Variants in RGS7BP observed in about 807,000 individuals in gnomAD.
The protein encoded by RGS7BP is regulator of G protein signaling 7-binding protein.
Under a neutral mutation model 31.3 loss-of-function variants are expected in RGS7BP, and 9 were observed. That is an observed-to-expected ratio of 0.29 (90% CI 0.17 to 0.50). The LOEUF (loss-of-function observed/expected upper bound fraction) is 0.50. Among genes scored for constraint, RGS7BP ranks in the 20% least tolerant of loss-of-function variants. The probability of loss-of-function intolerance (pLI) is 0.98; values close to 1 mark genes in which losing one functional copy is unlikely to be tolerated. For synonymous variants in RGS7BP, 115 were observed against 120.1 expected, an observed-to-expected ratio of 0.96 and a Z score of 0.28; for missense variants, 274 against 322.0, an observed-to-expected ratio of 0.85 and a Z score of 1.14.
intron 2 of RGS7BP, among the ~76,000 whole-genome samples, chr5:64,536,616 C>T (rs1389023322): frequency 6.6e-6 from 1 of 152,176 alleles, no homozygotes; most frequent in African/African-American, 2.4e-5. Flanking sequence ...TAAAGGTATT[C>T]TTTTAACTGA....
At chr5:64,601,461 GA>G (rs1743215582) in intron 5 of RGS7BP, 1 of 983,164 alleles carries the variant, frequency 1.0e-6, no homozygotes, top group African/African-American at 1.7e-5. Context: ...GAGAAGAAAG[GA>G]AGGTGGCCAA....
At chr5:64,533,020 A>G (rs1041718449) in intron 2 of RGS7BP, among the ~76,000 whole-genome samples, 4 of 152,154 alleles carry the variant, frequency 2.6e-5, no homozygotes, top group African/African-American at 9.7e-5. Context: ...CATTGCTCAC[A>G]CCAGGCTGTT....
At chr5:64,541,297 G>A (rs1327083944) in intron 2 of RGS7BP, among the ~76,000 whole-genome samples, 1 of 152,142 alleles carries the variant, frequency 6.6e-6, no homozygotes, top group Non-Finnish European at 1.5e-5. Context: ...TTACCAAGGG[G>A]ATGGTGCTAA....
At chr5:64,540,697 A>C (rs763244564) in intron 2 of RGS7BP, among the ~76,000 whole-genome samples, 22 of 152,230 alleles carry the variant, frequency 1.4e-4, no homozygotes, top group Non-Finnish European at 2.8e-4. Context: ...TTAGAAATGC[A>C]AGATTATTAT....
At chr5:64,566,344 AGAAC>A (rs1167259042) in intron 2 of RGS7BP, among the ~76,000 whole-genome samples, 1 of 152,164 alleles carries the variant, frequency 6.6e-6, no homozygotes, top group Non-Finnish European at 1.5e-5. Flanking sequence ...CAAAAGAAAA[AGAAC>A]ATCTTGTAAG....
chr5:64,509,130 G>A (rs1347230137), intron 2 of RGS7BP, among the ~76,000 whole-genome samples: 1 of 152,138 alleles, frequency 6.6e-6, no homozygotes, highest in Non-Finnish European at 1.5e-5. Flanking sequence ...GGGAAATGGA[G>A]GGGAATTAAG....
chr5:64,556,900 G>T (rs1741942428), intron 2 of RGS7BP, among the ~76,000 whole-genome samples: 2 of 151,878 alleles, frequency 1.3e-5, no homozygotes, highest in South Asian at 4.1e-4. Context: ...TTTGAGATTT[G>T]TATCTTTAAT....
At chr5:64,542,000 T>C (rs1741538139) in intron 2 of RGS7BP, among the ~76,000 whole-genome samples, 1 of 152,226 alleles carries the variant, frequency 6.6e-6, no homozygotes, top group South Asian at 2.1e-4. Flanking sequence ...GTATATAATC[T>C]GAGGTACGAA....
intron 2 of RGS7BP, among the ~76,000 whole-genome samples, chr5:64,574,036 T>G (rs1013156226): frequency 6.6e-6 from 1 of 152,166 alleles, no homozygotes; most frequent in Non-Finnish European, 1.5e-5. Flanking sequence ...TGAACCAGCA[T>G]AGAAAAGACC....
chr5:64,609,386 T>TC lies in RGS7BP; in HGVS notation c.*139dup. The TC allele has an allele frequency of 1.6e-6, 1 of 609,782 alleles. No individual in the cohort carries two copies. The highest frequency in any genetic ancestry group is 3.0e-6 in the Non-Finnish European group (1 of 334,876). The allele number at this position is 609,782 out of a possible 1,614,324, so 37.8% of individuals were successfully genotyped here. A position where few individuals can be genotyped will look rare whatever the true frequency, so the allele number is the denominator to read the frequency against. On this transcript the variant is annotated 3_prime_UTR_variant, in exon 6 of 6. Coordinates refer to ENST00000334025, the MANE Select transcript of RGS7BP (RefSeq NM_001029875.3). ...TGCTTCCTTATTACTTTTATCTGCC[T>TC]CCCCCTGCCCTTTTAAATGATTTTA...
chr5:64,604,817 A>G (rs1471638772), intron 5 of RGS7BP, among the ~76,000 whole-genome samples: 1 of 152,048 alleles, frequency 6.6e-6, no homozygotes, highest in Non-Finnish European at 1.5e-5. Context: ...AATAAATTTG[A>G]GCAATAGAGA....
chr5:64,605,501 A>G (rs1743329160), intron 5 of RGS7BP, among the ~76,000 whole-genome samples: 1 of 152,138 alleles, frequency 6.6e-6, no homozygotes, highest in South Asian at 2.1e-4. Context: ...ATTTCAATCA[A>G]TGTGGAGAGA....
At chr5:64,596,271 T>C (rs1447321872) in intron 4 of RGS7BP, among the ~76,000 whole-genome samples, 6 of 152,150 alleles carry the variant, frequency 3.9e-5, no homozygotes, top group Non-Finnish European at 8.8e-5. Context: ...GTGGGCACAG[T>C]GGACCTGGTC....
intron 2 of RGS7BP, among the ~76,000 whole-genome samples, chr5:64,514,696 G>A (rs551505688): frequency 6.6e-6 from 1 of 152,148 alleles, no homozygotes; most frequent in African/African-American, 2.4e-5. Flanking sequence ...AGCTGGTGAG[G>A]CATCTAACAA....
chr5:64,577,307 T>TG (rs1336054669), intron 3 of RGS7BP, among the ~76,000 whole-genome samples: 1 of 151,756 alleles, frequency 6.6e-6, no homozygotes, highest in Non-Finnish European at 1.5e-5. Flanking sequence ...CCAGGCTTGG[T>TG]GGGGGGCGCC....
At chr5:64,507,194 G>T (rs1748713063) in intron 1 of RGS7BP, among the ~76,000 whole-genome samples, 1 of 152,220 alleles carries the variant, frequency 6.6e-6, no homozygotes, top group South Asian at 2.1e-4. Flanking sequence ...GGGGTCGAAG[G>T]TTCCAGCGCA....
intron 2 of RGS7BP, among the ~76,000 whole-genome samples, chr5:64,538,752 C>T (rs374819249): frequency 9.2e-5 from 14 of 151,740 alleles, no homozygotes; most frequent in East Asian, 5.8e-4. Context: ...GATGAGGTTT[C>T]GCCAGGTTGG....
Position 64,593,518 on chromosome 5 carries a change from A to G in RGS7BP, c.464-1192A>G, listed in dbSNP as rs369040434. ...GTGATATGGGCTGTAACAATTACTT[A>G]ACAACTAGTCTGGAGTTATATCTGC... On this transcript the variant is annotated intron_variant, in intron 3 of 5. Transcript: ENST00000334025. 4.6e-5 allele frequency among the ~76,000 whole-genome samples: 7 copies of G among 152,342 alleles called. No individual in the cohort carries two copies. In the East Asian group the frequency reaches 7.7e-4, roughly 17 times the overall value.
chr5:64,597,403 C>T (rs1384355700), intron 4 of RGS7BP, among the ~76,000 whole-genome samples: 1 of 151,778 alleles, frequency 6.6e-6, no homozygotes, highest in Non-Finnish European at 1.5e-5. Context: ...CCAGCTGTAC[C>T]CAGGTGGGGT....
Sources: allele counts gnomAD v4.1 joint callset (sites outside exome capture counted in the v4.1 genomes callset), GRCh38; gene constraint gnomAD v4.1.1; transcripts MANE v1.5; gene names NCBI Gene and HGNC (gene_info 2026-07-23, HGNC 2026-07-21).